The following EXOC6B variants were observed in gnomAD, a reference collection of about 807,000 sequenced individuals.
The protein encoded by EXOC6B is exocyst complex component 6B, also known as SEC15 homolog B.
Under a neutral mutation model 113.5 loss-of-function variants are expected in EXOC6B, and 54 were observed. That is an observed-to-expected ratio of 0.48 (90% confidence interval 0.38 to 0.60). The LOEUF is 0.60. Ranked by LOEUF, EXOC6B falls within the 20% of genes least tolerant of loss-of-function variation. The probability of loss-of-function intolerance (pLI) is 0.00; values close to 1 mark genes in which losing one functional copy is unlikely to be tolerated. For synonymous variants in EXOC6B, 357 were observed against 339.0 expected, an observed-to-expected ratio of 1.05 and a Z score of -0.58; for missense variants, 797 against 977.5, an observed-to-expected ratio of 0.82 and a Z score of 2.46.
Position 72,397,943 on chromosome 2 carries a change from G to A in EXOC6B, c.1981-18073C>T, listed in dbSNP as rs145070132. Among the ~76,000 whole-genome samples, 539 of 152,144 alleles carry A rather than the reference G, an allele frequency of 3.5e-3. 6 individuals carry two copies. The highest frequency in any genetic ancestry group is 0.012 in the African/African-American group (494 of 41,516). On this transcript the variant is annotated intron_variant, in intron 18 of 21. Coordinates refer to ENST00000272427, the MANE Select transcript of EXOC6B (RefSeq NM_015189.3). ...AGGAGGGAAATAAGATACTAGCATG[G>A]GGCACAAGAAAAAAATACTGCAAAA... is the stretch of plus-strand genomic sequence containing the variant.
At chr2:72,461,680 A>T (rs1459290543) in intron 18 of EXOC6B, 2 of 152,072 alleles carry the variant, frequency 1.3e-5, no homozygotes, top group Admixed American at 1.3e-4. Flanking sequence ...AATCATGATT[A>T]TTTCATTAAG....
intron 15 of EXOC6B, among the ~76,000 whole-genome samples, chr2:72,494,601 A>T (rs1459550965): frequency 1.3e-5 from 2 of 152,060 alleles, no homozygotes; most frequent in Middle Eastern, 3.2e-3. Context: ...ACACTCATTA[A>T]AAAAAATTTT....
intron 6 of EXOC6B, among the ~76,000 whole-genome samples, chr2:72,716,577 T>C (rs925176427): frequency 1.3e-5 from 2 of 152,164 alleles, no homozygotes; most frequent in African/African-American, 4.8e-5. Context: ...CATTTCTTTA[T>C]ATGACAAAAA....
intron 6 of EXOC6B, among the ~76,000 whole-genome samples, chr2:72,588,051 G>A (rs1705701589): frequency 6.6e-6 from 1 of 152,122 alleles, no homozygotes; most frequent in South Asian, 2.1e-4. Context: ...CAAGGATGGG[G>A]ATAAACTGGA....
intron 6 of EXOC6B, among the ~76,000 whole-genome samples, chr2:72,617,771 G>T (rs187611298): frequency 2.1e-4 from 32 of 151,884 alleles, no homozygotes; most frequent in African/African-American, 7.2e-4. Flanking sequence ...TGCCTCAGCC[G>T]CCCAAAGTGC....
intron 20 of EXOC6B, among the ~76,000 whole-genome samples, chr2:72,233,639 C>A (rs1681772383): frequency 6.6e-6 from 1 of 152,158 alleles, no homozygotes; most frequent in Non-Finnish European, 1.5e-5. Context: ...AGCCTTAGGT[C>A]CTAGAGCAGA....
chr2:72,335,551 CACACACA>C (rs1558568180), intron 19 of EXOC6B, among the ~76,000 whole-genome samples: 17 of 1,072 alleles, frequency 0.016, 1 homozygote, highest in African/African-American at 0.024. Flanking sequence ...CATTATTGCA[CACACACA>C]CACACACACA....
intron 6 of EXOC6B, among the ~76,000 whole-genome samples, chr2:72,649,635 G>A (rs2104394313): frequency 6.6e-6 from 1 of 152,098 alleles, no homozygotes; most frequent in African/African-American, 2.4e-5. Flanking sequence ...AAACAATTTT[G>A]AAGAAAGAAG....
intron 18 of EXOC6B, among the ~76,000 whole-genome samples, chr2:72,448,654 T>C (rs1009625281): frequency 5.3e-5 from 8 of 152,088 alleles, no homozygotes; most frequent in African/African-American, 1.9e-4. Flanking sequence ...GTATAAGAAT[T>C]AGCAAAAATG....
At chr2:72,352,729 TC>T (rs1435542386) in intron 19 of EXOC6B, among the ~76,000 whole-genome samples, 2 of 130,966 alleles carry the variant, frequency 1.5e-5, no homozygotes, top group Admixed American at 1.4e-4. Context: ...AGGACTGTAA[TC>T]ATTTTTTTTT....
At chr2:72,336,243 A>C (rs1408276942) in intron 19 of EXOC6B, among the ~76,000 whole-genome samples, 2 of 152,186 alleles carry the variant, frequency 1.3e-5, no homozygotes, top group Admixed American at 1.3e-4. Flanking sequence ...TTCTTTTGCA[A>C]TCAATAAAAT....
chr2:72,404,322 A>G (rs962533817), intron 18 of EXOC6B, among the ~76,000 whole-genome samples: 2 of 152,248 alleles, frequency 1.3e-5, no homozygotes, highest in Non-Finnish European at 2.9e-5. Flanking sequence ...AAATCTCTGC[A>G]GACTTAAATG....
chr2:72,626,835 TAA>T (rs1672082110), intron 6 of EXOC6B, among the ~76,000 whole-genome samples: 1 of 152,180 alleles, frequency 6.6e-6, no homozygotes, highest in South Asian at 2.1e-4. Context: ...TATTGTTTTT[TAA>T]TATATTTGTT....
At chr2:72,671,804 AAAGAAAGAAAGAAAG>A (rs869244555) in intron 6 of EXOC6B, among the ~76,000 whole-genome samples, 18 of 136,866 alleles carry the variant, frequency 1.3e-4, no homozygotes, top group African/African-American at 2.4e-4. Context: ...AGAAAGAAAG[AAAGAAAGAAAGAAAG>A]AAGAGAAAAG....
chr2:72,456,375 C>T (rs1697235257), intron 18 of EXOC6B, among the ~76,000 whole-genome samples: 1 of 152,022 alleles, frequency 6.6e-6, no homozygotes, highest in Admixed American at 6.6e-5. Flanking sequence ...TGTCAATGCC[C>T]AGGCAGGAAT....
intron 20 of EXOC6B, among the ~76,000 whole-genome samples, chr2:72,236,876 T>TATC (rs1681988819): frequency 6.6e-6 from 1 of 152,146 alleles, no homozygotes. Context: ...GTACTACCTC[T>TATC]GATAACTATC....
At chr2:72,743,581 C>T (rs775989056) in intron 1 of EXOC6B, among the ~76,000 whole-genome samples, 12 of 152,200 alleles carry the variant, frequency 7.9e-5, no homozygotes, top group South Asian at 2.1e-4. Flanking sequence ...TGTCTATCTC[C>T]GCCTCCCCAC....
intron 1 of EXOC6B, among the ~76,000 whole-genome samples, chr2:72,768,941 T>G (rs1020509791): frequency 6.6e-6 from 1 of 152,078 alleles, no homozygotes; most frequent in South Asian, 2.1e-4. Context: ...AGCTAAACCC[T>G]GTCTCTACAA....
intron 19 of EXOC6B, among the ~76,000 whole-genome samples, chr2:72,352,778 T>C (rs1572956229): frequency 6.6e-6 from 1 of 150,938 alleles, no homozygotes; most frequent in East Asian, 2.0e-4. Flanking sequence ...ATAAAGGCAG[T>C]AGATGGATTA....
Sources: gnomAD v4.1 joint callset for allele counts (sites outside exome capture counted in the v4.1 genomes callset) on GRCh38, gnomAD v4.1.1 for gene constraint, MANE v1.5 for transcripts, NCBI Gene and HGNC (gene_info 2026-07-23, HGNC 2026-07-21) for gene names.